The following MBOAT1 variants were observed in gnomAD, a reference collection of about 807,000 sequenced individuals.
MBOAT1 encodes the protein membrane bound glycerophospholipid O-acyltransferase 1, also known as membrane-bound glycerophospholipid O-acyltransferase 1.
Under a neutral mutation model 64.4 loss-of-function variants are expected in MBOAT1, and 67 were observed. The ratio of observed to expected loss-of-function variants is 1.04; its 90% CI spans 0.85 to 1.27. The LOEUF (loss-of-function observed/expected upper bound fraction) is 1.27, where lower values mean the gene tolerates loss of function less well. Among genes scored for constraint, MBOAT1 ranks in the 50% most tolerant of loss-of-function variants. MBOAT1 has a pLI of 0.00. For missense variants in MBOAT1, 563 were observed against 604.6 expected (o/e 0.93, Z 0.72); for synonymous variants, 229 against 218.9 (o/e 1.05, Z -0.41).
chr6:20,178,822 C>T (rs1036603294), intron 1 of MBOAT1, among the ~76,000 whole-genome samples: 4 of 151,962 alleles, frequency 2.6e-5, no homozygotes, highest in African/African-American at 9.7e-5. Flanking sequence ...GAACATGAGA[C>T]GATTCATCTA....
intron 1 of MBOAT1, among the ~76,000 whole-genome samples, chr6:20,169,529 C>T (rs1762129993): frequency 1.3e-5 from 2 of 151,762 alleles, no homozygotes; most frequent in Non-Finnish European, 2.9e-5. Context: ...TATGTAATCA[C>T]CTTCTCCAAA....
At chr6:20,151,306 A>G (rs766291916) in intron 2 of MBOAT1, 44 bp from the exon 3 acceptor site, 1 of 1,395,634 alleles carries the variant, frequency 7.2e-7, no homozygotes, top group East Asian at 2.3e-5. Flanking sequence ...AATATATTTC[A>G]TATTAACACA....
chr6:20,189,345 C>T (rs932741612), intron 1 of MBOAT1, among the ~76,000 whole-genome samples: 9 of 152,210 alleles, frequency 5.9e-5, no homozygotes, highest in Non-Finnish European at 1.3e-4. Flanking sequence ...TGTATTACCT[C>T]ACACACATCA....
At chr6:20,154,608 A>G (rs1761622714) in intron 1 of MBOAT1, among the ~76,000 whole-genome samples, 1 of 152,162 alleles carries the variant, frequency 6.6e-6, no homozygotes, top group Non-Finnish European at 1.5e-5. Context: ...CTTTCCAAAA[A>G]ACCTGTTCTC....
At chr6:20,188,114 G>C (rs544619638) in intron 1 of MBOAT1, among the ~76,000 whole-genome samples, 5 of 152,304 alleles carry the variant, frequency 3.3e-5, no homozygotes, top group African/African-American at 9.6e-5. Flanking sequence ...CTAACGAGAA[G>C]GATTAGAGGG....
chr6:20,109,100 C>A (rs1185969003), intron 12 of MBOAT1, among the ~76,000 whole-genome samples: 1 of 152,178 alleles, frequency 6.6e-6, no homozygotes, highest in Non-Finnish European at 1.5e-5. Flanking sequence ...TCCACATATA[C>A]CCCTCCAACA....
chr6:20,109,896 T>A, intron 11 of MBOAT1, 147 bp from the exon 12 acceptor site: 27 of 352,080 alleles, frequency 7.7e-5, no homozygotes, highest in Non-Finnish European at 1.1e-4. Context: ...ACAAATACCA[T>A]CAGGACTTTT....
intron 1 of MBOAT1, among the ~76,000 whole-genome samples, chr6:20,188,631 C>A (rs1406149743): frequency 6.6e-6 from 1 of 152,098 alleles, no homozygotes; most frequent in Non-Finnish European, 1.5e-5. Context: ...CTGATGAGGG[C>A]TGGGTGTCTC....
At chr6:20,193,123 A>G (rs934548091) in intron 1 of MBOAT1, among the ~76,000 whole-genome samples, 4 of 144,780 alleles carry the variant, frequency 2.8e-5, no homozygotes, top group Admixed American at 7.4e-5. Flanking sequence ...CTCCTGCCTC[A>G]GCCTCCAGAG....
rs143841624 is a variant in MBOAT1, at chr6:20,187,627, A to G, written c.99+24509T>C. On this transcript the variant is annotated intron_variant, in intron 1 of 12. Coordinates refer to ENST00000324607, the MANE Select transcript of MBOAT1 (RefSeq NM_001080480.3). ...AAGAGAAGGAGGAAAAGAGAGTCAC[A>G]TCACTAAGTGGTAGACCCTGGATTC... Among the ~76,000 whole-genome samples, 137 of 152,386 alleles carry G rather than the reference A, an allele frequency of 9.0e-4. 1 individual carries two copies. The highest frequency in any genetic ancestry group is 3.0e-3 in the African/African-American group (125 of 41,598).
At chr6:20,190,517 T>C (rs1561782807) in intron 1 of MBOAT1, among the ~76,000 whole-genome samples, 2 of 152,218 alleles carry the variant, frequency 1.3e-5, no homozygotes, top group Non-Finnish European at 2.9e-5. Context: ...GAGGTCATAA[T>C]ACACACTGCT....
At chr6:20,112,391 T>C (rs1432667215) in intron 11 of MBOAT1, among the ~76,000 whole-genome samples, 1 of 152,158 alleles carries the variant, frequency 6.6e-6, no homozygotes, top group African/African-American at 2.4e-5. Flanking sequence ...TGTGAACACA[T>C]GAGGTTAACC....
intron 1 of MBOAT1, among the ~76,000 whole-genome samples, chr6:20,201,647 C>G (rs1458693127): frequency 6.7e-6 from 1 of 149,734 alleles, no homozygotes; most frequent in African/African-American, 2.5e-5. Flanking sequence ...GTGGCGTGAT[C>G]TCAGCTCAGT....
intron 3 of MBOAT1, among the ~76,000 whole-genome samples, chr6:20,145,317 T>C (rs4544898): frequency 0.22 from 33,918 of 152,070 alleles, 4,445 homozygotes; most frequent in East Asian, 0.48. Context: ...GAACCCTGAT[T>C]TCAGATCTCC....
intron 1 of MBOAT1, among the ~76,000 whole-genome samples, chr6:20,176,845 G>A (rs1762355850): frequency 6.6e-6 from 1 of 152,008 alleles, no homozygotes; most frequent in Admixed American, 6.6e-5. Flanking sequence ...GCTGGTCTCG[G>A]ACTCCTGACC....
intron 1 of MBOAT1, among the ~76,000 whole-genome samples, chr6:20,175,572 G>A (rs141039990): frequency 0.026 from 4,014 of 151,670 alleles, 73 homozygotes; most frequent in South Asian, 0.047. Flanking sequence ...TCAGCCTCCC[G>A]AGTAGCTGGA....
chr6:20,139,331 T>C (rs1172202445), intron 4 of MBOAT1, among the ~76,000 whole-genome samples: 1 of 152,120 alleles, frequency 6.6e-6, no homozygotes, highest in Non-Finnish European at 1.5e-5. Context: ...TTTCACCATG[T>C]TGGACAGGCT....
Position 20,118,451 on chromosome 6 carries a change from T to G in MBOAT1, c.997A>C (p.Ile333Leu). The G allele has an allele frequency of 6.2e-7, 1 of 1,613,924 alleles. No individual in the cohort carries two copies. Residue 333 changes from isoleucine (I) to leucine (L), a missense_variant, in exon 9 of 13, where the codon ATC becomes CTC. Ile to Leu is a conservative substitution (Grantham distance 5). Transcript: ENST00000324607. The stretch of plus-strand genomic sequence containing the variant: ...CATACACTCACCTCAATTTTCCAGA[T>G]GTTTAGGTTCGAAAGCAGATCCCAA... ...FCWDLLSNLN[I>L]WKIETATSFK... is the part of the protein sequence containing the mutation.
intron 1 of MBOAT1, among the ~76,000 whole-genome samples, chr6:20,205,874 C>T (rs1302591203): frequency 6.6e-6 from 1 of 152,280 alleles, no homozygotes; most frequent in South Asian, 2.1e-4. Flanking sequence ...CTGGACACCA[C>T]CTCATCAGGG....
Sources: gnomAD v4.1 joint callset for allele counts (sites outside exome capture counted in the v4.1 genomes callset) on GRCh38, gnomAD v4.1.1 for gene constraint, MANE v1.5 for transcripts, NCBI Gene and HGNC (gene_info 2026-07-23, HGNC 2026-07-21) for gene names.